Variants in SMYD3 observed in about 807,000 individuals in gnomAD.
The protein encoded by SMYD3 is histone-lysine N-methyltransferase SMYD3.
In SMYD3, 36 loss-of-function variants were observed where a neutral mutation model predicts 57.7. The ratio of observed to expected loss-of-function variants is 0.62; its 90% CI spans 0.48 to 0.82. The LOEUF (loss-of-function observed/expected upper bound fraction) is 0.82. Ranked by LOEUF, SMYD3 falls within the 40% of genes least tolerant of loss-of-function variation. SMYD3 has a pLI of 0.00. For synonymous variants in SMYD3, 211 were observed against 195.0 expected (o/e 1.08, Z -0.68); for missense variants, 515 against 538.8 (o/e 0.96, Z 0.44).
intron 8 of SMYD3, among the ~76,000 whole-genome samples, chr1:245,888,716 C>T (rs554477932): frequency 2.6e-5 from 4 of 152,318 alleles, no homozygotes; most frequent in African/African-American, 7.2e-5. Context: ...TGCTCTCTCA[C>T]GTCTACCTTT....
chr1:245,752,232 C>G (rs2045416362), intron 11 of SMYD3, among the ~76,000 whole-genome samples: 1 of 152,230 alleles, frequency 6.6e-6, no homozygotes, highest in Non-Finnish European at 1.5e-5. Flanking sequence ...GGCAGAATCA[C>G]TGCCTGGAAA....
chr1:246,444,287 G>T (rs1327697651), intron 1 of SMYD3, among the ~76,000 whole-genome samples: 1 of 152,008 alleles, frequency 6.6e-6, no homozygotes, highest in Non-Finnish European at 1.5e-5. Flanking sequence ...CACCACGCCT[G>T]GCTAATTTTT....
chr1:245,815,113 C>T (rs1355215154), intron 10 of SMYD3, among the ~76,000 whole-genome samples: 1 of 152,216 alleles, frequency 6.6e-6, no homozygotes, highest in Non-Finnish European at 1.5e-5. Flanking sequence ...GACTTTCAGT[C>T]AAGCCAGGCA....
At chr1:246,424,644 G>T (rs2067190235) in intron 1 of SMYD3, among the ~76,000 whole-genome samples, 1 of 152,136 alleles carries the variant, frequency 6.6e-6, no homozygotes. Flanking sequence ...AAATAGCTGT[G>T]TATGATTTTC....
chr1:245,980,817 G>A (rs2058577353), intron 5 of SMYD3, among the ~76,000 whole-genome samples: 2 of 152,180 alleles, frequency 1.3e-5, no homozygotes, highest in Non-Finnish European at 2.9e-5. Context: ...TGTCTCAGTG[G>A]ATTGGCATTG....
At chr1:246,165,897 C>T (rs1284613736) in intron 5 of SMYD3, among the ~76,000 whole-genome samples, 1 of 152,012 alleles carries the variant, frequency 6.6e-6, no homozygotes, top group African/African-American at 2.4e-5. Flanking sequence ...AGAGGAGGCC[C>T]TGGCAATGCA....
intron 1 of SMYD3, among the ~76,000 whole-genome samples, chr1:246,487,458 T>C (rs1158841869): frequency 1.3e-5 from 2 of 150,706 alleles, no homozygotes; most frequent in African/African-American, 4.9e-5. Context: ...AGACTCTGTC[T>C]GGAAAAAAAA....
chr1:245,829,410 T>G (rs1373104992), intron 10 of SMYD3, among the ~76,000 whole-genome samples: 4 of 152,026 alleles, frequency 2.6e-5, no homozygotes, highest in African/African-American at 9.7e-5. Context: ...AACAGGCAAA[T>G]TCAAATTGAA....
chr1:246,387,825 G>A (rs1246028648), intron 1 of SMYD3, among the ~76,000 whole-genome samples: 1 of 152,090 alleles, frequency 6.6e-6, no homozygotes, highest in Non-Finnish European at 1.5e-5. Flanking sequence ...CCAAAGCAGA[G>A]AACAAATGAA....
At chr1:246,026,388 C>T (rs1039443860) in intron 5 of SMYD3, among the ~76,000 whole-genome samples, 3 of 152,136 alleles carry the variant, frequency 2.0e-5, no homozygotes, top group Non-Finnish European at 4.4e-5. Context: ...TATAAGTACA[C>T]CTCATTGCGT....
intron 5 of SMYD3, among the ~76,000 whole-genome samples, chr1:246,101,112 C>A (rs3738059): frequency 0.024 from 2,624 of 109,266 alleles, 137 homozygotes; most frequent in East Asian, 0.18. Flanking sequence ...CAGAGTAAGA[C>A]GCTTATAATA....
At chr1:246,506,992 C>CCCCCCCCCCG in intron 1 of SMYD3, 62 bp downstream of exon 1, 5 of 859,486 alleles carry the variant, frequency 5.8e-6, no homozygotes, top group Non-Finnish European at 6.3e-6. Flanking sequence ...GCCCGACGCC[C>CCCCCCCCCCG]CCCCCTCCCC....
intron 5 of SMYD3, among the ~76,000 whole-genome samples, chr1:246,027,488 A>G (rs539822719): frequency 6.6e-6 from 1 of 152,312 alleles, no homozygotes; most frequent in Admixed American, 6.5e-5. Flanking sequence ...TACCATTTAA[A>G]AAATCCTACA....
At chr1:246,324,443 G>A (rs1051954106) in intron 5 of SMYD3, among the ~76,000 whole-genome samples, 20 of 151,004 alleles carry the variant, frequency 1.3e-4, no homozygotes, top group African/African-American at 4.9e-4. Flanking sequence ...AAAAAAGATG[G>A]GCTAAAACAT....
chr1:245,970,976 T>C lies in SMYD3; in HGVS notation c.532-41039A>G, dbSNP rs148039964. On this transcript the variant is annotated intron_variant, in intron 5 of 11. Transcript: ENST00000490107. ...ATACCCAAAGGCTTATAAATCATTC[T>C]ACTATAAAGACACATGCACACATAT... Among the ~76,000 whole-genome samples the C allele has an allele frequency of 4.9e-4, 74 of 152,332 alleles. No homozygotes were observed. In the East Asian group the frequency reaches 0.014, roughly 29 times the overall value.
Position 245,883,168 on chromosome 1 carries a change from C to A in SMYD3, c.814-19282G>T, listed in dbSNP as rs1210931405. On this transcript the variant is annotated intron_variant, in intron 8 of 11. Transcript: ENST00000490107. ...AAGCTCTATTAATACTAAAAAAAAT[C>A]TTTGTGCTCTTCACTGAGTGTACCC... Among the ~76,000 whole-genome samples, 5 of 152,232 alleles carry A rather than the reference C, an allele frequency of 3.3e-5. No individual in the cohort carries two copies. In the East Asian group the frequency reaches 5.8e-4, roughly 18 times the overall value.
rs113523624 is a variant in SMYD3 at position 246,168,816 on chromosome 1, T to C, written c.531+158385A>G. 1.6e-3 allele frequency among the ~76,000 whole-genome samples: 249 copies of C among 152,282 alleles called. 1 individual carries two copies. The highest frequency in any genetic ancestry group is 5.5e-3 in the African/African-American group (229 of 41,562). ...TGACAAGTCTACCTTGCTGCCAATA[T>C]GCTTTTGCCGTCTTTAGAAAGGAGT... On this transcript the variant is annotated intron_variant, in intron 5 of 11. Transcript: ENST00000490107.
intron 5 of SMYD3, among the ~76,000 whole-genome samples, chr1:246,314,097 A>G (rs2065121133): frequency 6.6e-6 from 1 of 152,160 alleles, no homozygotes; most frequent in African/African-American, 2.4e-5. Flanking sequence ...CACTCAAACT[A>G]CCAGCATTTA....
chr1:246,437,721 A>G (rs2067401115), intron 1 of SMYD3, among the ~76,000 whole-genome samples: 1 of 152,252 alleles, frequency 6.6e-6, no homozygotes, highest in Non-Finnish European at 1.5e-5. Flanking sequence ...ATTCTAATAT[A>G]ATTTTTAATC....
Sources: allele counts gnomAD v4.1 joint callset (sites outside exome capture counted in the v4.1 genomes callset), GRCh38; gene constraint gnomAD v4.1.1; transcripts MANE v1.5; gene names NCBI Gene and HGNC (gene_info 2026-07-23, HGNC 2026-07-21).